The following CCDC171 variants were observed in gnomAD, a reference collection of about 807,000 sequenced individuals.
CCDC171 encodes the protein coiled-coil domain-containing protein 171.
Under a neutral mutation model 168.2 loss-of-function variants are expected in CCDC171, and 177 were observed. The ratio of observed to expected loss-of-function variants is 1.05; its 90% CI spans 0.93 to 1.19. CCDC171 has a LOEUF of 1.19. Ranked by LOEUF, CCDC171 falls within the 50% of genes most tolerant of loss-of-function variation. The probability of loss-of-function intolerance (pLI) is 0.00; values close to 1 mark genes in which losing one functional copy is unlikely to be tolerated. For missense variants in CCDC171, 1,991 were observed against 1,539.0 expected, an observed-to-expected ratio of 1.29 and a Z score of -4.91; for synonymous variants, 687 against 540.8, an observed-to-expected ratio of 1.27 and a Z score of -3.75.
chr9:16,069,943 G>A, the CCDC171 span, among the ~76,000 whole-genome samples: 2 of 152,150 alleles, frequency 1.3e-5, no homozygotes, highest in African/African-American at 4.8e-5. Context: ...TCCCATAGCA[G>A]GGGCAGGAAA....
At chr9:15,921,617 G>A (rs143984065) in intron 25 of CCDC171, among the ~76,000 whole-genome samples, 1 of 151,660 alleles carries the variant, frequency 6.6e-6, no homozygotes, top group East Asian at 1.9e-4. Flanking sequence ...TATTTATTGA[G>A]TGAAAAGTAC....
intron 11 of CCDC171, among the ~76,000 whole-genome samples, chr9:15,715,219 AGT>A (rs2052992889): frequency 6.6e-6 from 1 of 152,234 alleles, no homozygotes; most frequent in South Asian, 2.1e-4. Context: ...CAAGAGACGT[AGT>A]TAGAGAGTGA....
chr9:15,582,270 A>G (rs1348447042), intron 4 of CCDC171, among the ~76,000 whole-genome samples: 1 of 152,244 alleles, frequency 6.6e-6, no homozygotes, highest in Non-Finnish European at 1.5e-5. Context: ...TTAAAATGTC[A>G]GGAAACAACA....
At position 15,920,027 on chromosome 9, in the gene CCDC171, T is replaced by G. The variant is rs547687527; in HGVS notation, c.3601-243T>G. Among the ~76,000 whole-genome samples the G allele has an allele frequency of 3.3e-5, 5 of 151,816 alleles. No homozygotes were observed. The East Asian group carries it at 7.7e-4, about 23-fold the overall frequency. On this transcript the variant is annotated intron_variant, in intron 24 of 25. Coordinates refer to ENST00000380701, the MANE Select transcript of CCDC171 (RefSeq NM_173550.4). ...ACCGCATTCTAAATTTTAAGCACAATAGATCAAAGTACATCTTATTTAAAT... is the reference window on the plus strand; with the variant it reads ...ACCGCATTCTAAATTTTAAGCACAAGAGATCAAAGTACATCTTATTTAAAT...
chr9:16,045,738 G>A (rs1202104371), intron 1 of CCDC171, among the ~76,000 whole-genome samples: 1 of 152,148 alleles, frequency 6.6e-6, no homozygotes, highest in Non-Finnish European at 1.5e-5. Context: ...ACAGCTGCTG[G>A]GATGAGGCAG....
intron 7 of CCDC171, among the ~76,000 whole-genome samples, chr9:15,633,646 C>T (rs762873491): frequency 6.6e-6 from 1 of 152,140 alleles, no homozygotes; most frequent in Non-Finnish European, 1.5e-5. Flanking sequence ...ACTAGAAATA[C>T]CATTTGACCC....
chr9:16,104,599 G>A, the CCDC171 span, among the ~76,000 whole-genome samples: 52 of 152,234 alleles, frequency 3.4e-4, no homozygotes, highest in Non-Finnish European at 6.5e-4. Context: ...GGGCCCAGAT[G>A]TAGTGGCACT....
chr9:15,794,389 C>T (rs112616985), intron 21 of CCDC171, among the ~76,000 whole-genome samples: 439 of 152,082 alleles, frequency 2.9e-3, no homozygotes, highest in Non-Finnish European at 4.6e-3. Flanking sequence ...CACTTGAACC[C>T]GGGAGGCAGA....
chr9:16,004,668 T>C (rs571477620), intron 3 of CCDC171, among the ~76,000 whole-genome samples: 104 of 152,308 alleles, frequency 6.8e-4, no homozygotes, highest in Admixed American at 6.5e-3. Flanking sequence ...CGCCACATAT[T>C]TCTACTAGCT....
At chr9:15,844,467 A>G (rs1299776132) in intron 21 of CCDC171, among the ~76,000 whole-genome samples, 1 of 152,086 alleles carries the variant, frequency 6.6e-6, no homozygotes, top group African/African-American at 2.4e-5. Context: ...GGTGTTTTAC[A>G]CACATCCCCA....
intron 21 of CCDC171, among the ~76,000 whole-genome samples, chr9:15,804,287 G>C (rs2058971324): frequency 1.3e-5 from 2 of 152,128 alleles, no homozygotes. Flanking sequence ...AGTGGTGAGA[G>C]AAGGCAACCT....
At chr9:15,908,157 A>G (rs1408745935) in intron 24 of CCDC171, among the ~76,000 whole-genome samples, 2 of 151,876 alleles carry the variant, frequency 1.3e-5, no homozygotes, top group Non-Finnish European at 2.9e-5. Flanking sequence ...ATTACTGGGT[A>G]TATACCCAAA....
chr9:16,033,676 C>T (rs1354893452), intron 6 of CCDC171, among the ~76,000 whole-genome samples: 3 of 151,940 alleles, frequency 2.0e-5, no homozygotes, highest in Non-Finnish European at 2.9e-5. Flanking sequence ...CATCCCGAAA[C>T]CATCCCCCTA....
At chr9:15,830,425 G>T (rs2060181636) in intron 21 of CCDC171, among the ~76,000 whole-genome samples, 1 of 152,074 alleles carries the variant, frequency 6.6e-6, no homozygotes, top group South Asian at 2.1e-4. Context: ...GTTACTATAT[G>T]CTTATTACGA....
At chr9:15,710,724 T>C (rs555011313) in intron 11 of CCDC171, among the ~76,000 whole-genome samples, 1 of 152,290 alleles carries the variant, frequency 6.6e-6, no homozygotes, top group Non-Finnish European at 1.5e-5. Flanking sequence ...TCCTCCCGCG[T>C]ACCTGAGACT....
intron 24 of CCDC171, among the ~76,000 whole-genome samples, chr9:15,901,996 A>G (rs763223175): frequency 3.9e-5 from 6 of 152,094 alleles, no homozygotes; most frequent in Non-Finnish European, 7.4e-5. Flanking sequence ...GAATTATGCA[A>G]TTTTCTTTCA....
the CCDC171 span, among the ~76,000 whole-genome samples, chr9:16,092,751 C>T: frequency 6.6e-6 from 1 of 152,200 alleles, no homozygotes; most frequent in Non-Finnish European, 1.5e-5. Context: ...TCACCTTTGG[C>T]AAGATTCACC....
chr9:15,571,827 A>G (rs2040245723), intron 3 of CCDC171, 68 bp downstream of exon 3: 1 of 1,386,498 alleles, frequency 7.2e-7, no homozygotes, highest in Non-Finnish European at 9.9e-7. Flanking sequence ...ATTTCATATG[A>G]AAAACTCCAT....
chr9:15,811,964 A>G (rs1268532856), intron 21 of CCDC171, among the ~76,000 whole-genome samples: 3 of 152,142 alleles, frequency 2.0e-5, no homozygotes, highest in Admixed American at 1.3e-4. Flanking sequence ...ATTTGATAAA[A>G]CTGTACTTGG....
Sources: allele counts gnomAD v4.1 joint callset (sites outside exome capture counted in the v4.1 genomes callset), GRCh38; gene constraint gnomAD v4.1.1; transcripts MANE v1.5; gene names NCBI Gene and HGNC (gene_info 2026-07-23, HGNC 2026-07-21).